Variants in DMD observed in about 807,000 individuals in gnomAD.
DMD encodes the protein mutant dystrophin.
Under a neutral mutation model 330.1 loss-of-function variants are expected in DMD, and 63 were observed. The observed-to-expected ratio is 0.19, with a 90% CI of 0.16 to 0.24. The LOEUF is 0.24. Ranked by LOEUF, DMD falls within the 10% of genes least tolerant of loss-of-function variation. DMD has a pLI of 1.00. For missense variants in DMD, 3,344 were observed against 2,684.1 expected (o/e 1.25, Z -5.43); for synonymous variants, 1,223 against 959.8 (o/e 1.27, Z -5.07).
chrX:32,220,904 A>T (rs900458042), intron 43 of DMD, among the ~76,000 whole-genome samples: 2 of 111,515 alleles, frequency 1.8e-5, no homozygotes, highest in Non-Finnish European at 3.8e-5. Flanking sequence ...AACTTAACAA[A>T]GGGCAAAAAA....
intron 41 of DMD, among the ~76,000 whole-genome samples, chrX:32,322,102 A>G (rs1306694050): frequency 9.0e-6 from 1 of 111,048 alleles, no homozygotes; most frequent in Admixed American, 9.6e-5. Context: ...AAAATAAGAG[A>G]CTTAGAGAAC....
chrX:32,650,580 T>C (rs768303576), intron 9 of DMD, among the ~76,000 whole-genome samples: 7 of 112,185 alleles, frequency 6.2e-5, no homozygotes, highest in Non-Finnish European at 9.4e-5. Flanking sequence ...TTCTCACAGA[T>C]ATAACACGTA....
intron 2 of DMD, among the ~76,000 whole-genome samples, chrX:32,855,797 C>T (rs901494153): frequency 9.0e-6 from 1 of 111,319 alleles, no homozygotes; most frequent in East Asian, 2.8e-4. Context: ...CACAAGCAAT[C>T]AAAGCAAACA....
At chrX:32,441,438 G>T in intron 27 of DMD, 124 bp from the exon 28 acceptor site, 1 of 668,582 alleles carries the variant, frequency 1.5e-6, no homozygotes, top group Non-Finnish European at 2.3e-6. Flanking sequence ...TTACTTTGTA[G>T]CAGGTAATTC....
chrX:32,163,524 G>A (rs2405684), intron 44 of DMD, among the ~76,000 whole-genome samples: 2,498 of 111,883 alleles, frequency 0.022, 28 homozygotes, highest in Non-Finnish European at 0.037. Flanking sequence ...ATTAAAGGGT[G>A]GCTTGAGATA....
At chrX:32,793,725 C>T (rs1461336370) in intron 7 of DMD, among the ~76,000 whole-genome samples, 2 of 111,693 alleles carry the variant, frequency 1.8e-5, no homozygotes, top group Non-Finnish European at 3.8e-5. Flanking sequence ...AAAATCTGAA[C>T]AGATCTATAA....
chrX:32,115,491 T>C (rs1349447452), intron 44 of DMD, among the ~76,000 whole-genome samples: 2 of 111,181 alleles, frequency 1.8e-5, no homozygotes, highest in Admixed American at 1.9e-4. Context: ...AATTCTCCTA[T>C]CCTGGCCTCC....
Position 31,658,125 on chromosome X carries a change from C to G in DMD, c.7892G>C (p.Arg2631Pro). Residue 2631 changes from arginine (R) to proline (P), a missense_variant, in exon 54 of 79, where the codon CGC becomes CCC. Transcript: ENST00000357033. ...TETKQLAKDL[R>P]QWQTNVDVAN... is the part of the protein sequence containing the mutation. ...CACATCTACATTTGTCTGCCACTGG[C>G]GGAGGTCTTTGGCCAACTGCTATAG... is the stretch of plus-strand genomic sequence containing the variant. 8.3e-7 allele frequency: 1 copy of G among 1,211,466 alleles called. No homozygotes were observed. Among genetic ancestry groups the G allele is most frequent in the Non-Finnish European group, 1.1e-6 (1 of 895,373 alleles).
At chrX:33,215,690 G>T (rs374293764), upstream of DMD, among the ~76,000 whole-genome samples, 41 of 111,972 alleles carry the variant, frequency 3.7e-4, no homozygotes, top group African/African-American at 1.3e-3. Context: ...ACCGTCAGTT[G>T]ATTTTTGTAT....
chrX:32,342,414 T>C, intron 40 of DMD, 132 bp from the exon 41 acceptor site: 1 of 650,531 alleles, frequency 1.5e-6, no homozygotes, highest in Non-Finnish European at 2.3e-6. Context: ...AGTTTACAAA[T>C]ATGAAAGGCA....
At chrX:32,646,306 G>A (rs988919999) in intron 9 of DMD, among the ~76,000 whole-genome samples, 5 of 111,289 alleles carry the variant, frequency 4.5e-5, no homozygotes, top group Admixed American at 1.9e-4. Context: ...GTTTTGCTTT[G>A]GGAGGAGTGT....
At chrX:32,861,567 G>T (rs1054311436) in intron 2 of DMD, among the ~76,000 whole-genome samples, 2 of 111,629 alleles carry the variant, frequency 1.8e-5, no homozygotes, top group Non-Finnish European at 3.8e-5. Context: ...TAGTAATAGA[G>T]AAGTGTCACT....
chrX:32,099,347 G>C (rs1430392058), intron 44 of DMD, among the ~76,000 whole-genome samples: 1 of 110,716 alleles, frequency 9.0e-6, no homozygotes, highest in African/African-American at 3.3e-5. Flanking sequence ...TTCCTCAGGG[G>C]CCTAGAACTA....
intron 41 of DMD, among the ~76,000 whole-genome samples, chrX:32,315,159 C>A (rs926543845): frequency 8.9e-6 from 1 of 111,777 alleles, no homozygotes; most frequent in Admixed American, 9.5e-5. Context: ...CAGTGATAGA[C>A]TGGATAAAGA....
intron 30 of DMD, among the ~76,000 whole-genome samples, chrX:32,390,810 G>T (rs981083039): frequency 5.4e-5 from 6 of 111,369 alleles, no homozygotes; most frequent in Admixed American, 3.8e-4. Context: ...GTGAGCCACT[G>T]TGCCTGGCCT....
rs11458645 is a variant in DMD, at chrX:31,203,537, T to TAA, written c.9807+422_9807+423dup. On this transcript the variant is annotated intron_variant, in intron 67 of 78. Transcript: ENST00000357033. The stretch of plus-strand genomic sequence containing the variant: ...ATGTCAAAGCTACAAAGGACAGTTT[T>TAA]AAAAAAAAGGACAGCTGTGCTAACA... Among the ~76,000 whole-genome samples, 749 of 108,527 alleles carry TAA rather than the reference T, an allele frequency of 6.9e-3. 5 individuals carry two copies. Among genetic ancestry groups the TAA allele is most frequent in the African/African-American group, 0.024 (702 of 29,867 alleles). The allele number at this position is 108,527 out of a possible 115,157, so 94.2% of individuals were successfully genotyped here.
intron 13 of DMD, among the ~76,000 whole-genome samples, chrX:32,578,052 G>C (rs764581513): frequency 2.7e-5 from 3 of 112,151 alleles, no homozygotes; most frequent in Admixed American, 1.9e-4. Context: ...CTCAGCTCTG[G>C]AATCACTCAA....
intron 54 of DMD, among the ~76,000 whole-genome samples, chrX:31,657,314 C>A (rs748368481): frequency 2.7e-5 from 3 of 111,877 alleles, no homozygotes; most frequent in African/African-American, 9.7e-5. Flanking sequence ...AAGACAAAAT[C>A]TCTGCCCTCA....
intron 50 of DMD, among the ~76,000 whole-genome samples, chrX:31,804,229 T>C (rs2092207514): frequency 9.0e-6 from 1 of 111,624 alleles, no homozygotes; most frequent in East Asian, 2.8e-4. Flanking sequence ...CATAGTTTAG[T>C]AATTTCTACC....
Sources: allele counts gnomAD v4.1 joint callset (sites outside exome capture counted in the v4.1 genomes callset), GRCh38; gene constraint gnomAD v4.1.1; transcripts MANE v1.5; gene names NCBI Gene and HGNC (gene_info 2026-07-23, HGNC 2026-07-21).